PACRG: variants seen among roughly 807,000 people sequenced by gnomAD.
The protein encoded by PACRG is parkin coregulated, also known as parkin coregulated gene protein.
PACRG carries 29 observed loss-of-function variants against 29.7 expected under a neutral mutation model. That is an observed-to-expected ratio of 0.98 (90% CI 0.73 to 1.33). PACRG has a LOEUF of 1.33. PACRG is among the 40% of genes most tolerant of loss of function. The pLI is 0.00. For synonymous variants in PACRG, 116 were observed against 118.7 expected, an observed-to-expected ratio of 0.98 and a Z score of 0.15; for missense variants, 279 against 316.2, an observed-to-expected ratio of 0.88 and a Z score of 0.89.
At chr6:163,212,185 A>G (rs1207369581) in intron 4 of PACRG, among the ~76,000 whole-genome samples, 2 of 152,198 alleles carry the variant, frequency 1.3e-5, no homozygotes, top group African/African-American at 2.4e-5. Context: ...GAATTTGAAA[A>G]TACTCTGGGG....
At chr6:162,913,350 G>C (rs780948721) in intron 2 of PACRG, among the ~76,000 whole-genome samples, 1 of 152,120 alleles carries the variant, frequency 6.6e-6, no homozygotes. Flanking sequence ...GTTACTAAGC[G>C]TATGCCTTTG....
chr6:162,731,213 A>G (rs964965505), intron 1 of PACRG, among the ~76,000 whole-genome samples: 7 of 152,184 alleles, frequency 4.6e-5, no homozygotes. Context: ...GAGTGTTGAC[A>G]TTACACTCAA....
intron 2 of PACRG, among the ~76,000 whole-genome samples, chr6:162,846,560 C>T (rs1038278822): frequency 3.3e-5 from 5 of 152,180 alleles, no homozygotes; most frequent in African/African-American, 1.2e-4. Context: ...AGCTCTGACA[C>T]TTTATATTCA....
rs1387737944 is a variant in PACRG, at chr6:162,866,160, A to G, written c.291+51879A>G. On this transcript the variant is annotated intron_variant, in intron 2 of 4. Transcript: ENST00000366888. ...AACCCAAACTCATTTTTACCAGAGC[A>G]TTCTAATTAATCAAATGGATTAACA... is the stretch of plus-strand genomic sequence containing the variant. 2.0e-5 allele frequency among the ~76,000 whole-genome samples: 3 copies of G among 152,216 alleles called. No homozygotes were observed. The East Asian group carries it at 5.8e-4, about 29-fold the overall frequency.
intron 4 of PACRG, among the ~76,000 whole-genome samples, chr6:163,261,063 C>T (rs1014275421): frequency 1.3e-5 from 2 of 152,014 alleles, no homozygotes; most frequent in Admixed American, 6.6e-5. Flanking sequence ...AAAACAGCCA[C>T]GACATCAATG....
chr6:162,862,369 G>C (rs944824206), intron 2 of PACRG, among the ~76,000 whole-genome samples: 1 of 152,180 alleles, frequency 6.6e-6, no homozygotes, highest in African/African-American at 2.4e-5. Context: ...TATACTCTGT[G>C]GTGGGGGAGA....
rs377352285 is a variant in PACRG, at chr6:162,747,474, CTATA to C, written c.156+19099_156+19102del. 1.8e-4 allele frequency among the ~76,000 whole-genome samples: 8 copies of C among 44,756 alleles called. 2 individuals are homozygous for C. In the East Asian group the frequency reaches 3.2e-3, roughly 18 times the overall value. The allele number at this position is 44,756 out of a possible 152,430, so 29.4% of individuals were successfully genotyped here. On this transcript the variant is annotated intron_variant, in intron 1 of 4. Coordinates refer to ENST00000366888, the MANE Select transcript of PACRG (RefSeq NM_001080379.2). ...TATAACTATAAATATATATGTAAAACTATATATATATATATATATTCCATTAGTT... is the reference window on the plus strand; with the variant it reads ...TATAACTATAAATATATATGTAAAACTATATATATATATATTCCATTAGTT...
At chr6:162,883,101 T>C (rs1392125563) in intron 2 of PACRG, among the ~76,000 whole-genome samples, 1 of 152,240 alleles carries the variant, frequency 6.6e-6, no homozygotes, top group African/African-American at 2.4e-5. Context: ...AAACTAATTT[T>C]TAAATGATTA....
chr6:162,751,307 T>A (rs1258989760), intron 1 of PACRG, among the ~76,000 whole-genome samples: 1 of 152,144 alleles, frequency 6.6e-6, no homozygotes, highest in Non-Finnish European at 1.5e-5. Flanking sequence ...ATCTAAGCAT[T>A]TTAGATTATA....
At chr6:163,096,417 A>G (rs1184214657) in intron 4 of PACRG, among the ~76,000 whole-genome samples, 1 of 152,226 alleles carries the variant, frequency 6.6e-6, no homozygotes, top group Non-Finnish European at 1.5e-5. Flanking sequence ...AAGCAGGGGA[A>G]GATGCTTGGG....
At chr6:162,956,555 G>C (rs1300118081) in intron 2 of PACRG, among the ~76,000 whole-genome samples, 1 of 152,204 alleles carries the variant, frequency 6.6e-6, no homozygotes, top group African/African-American at 2.4e-5. Flanking sequence ...TCTCAGATGA[G>C]AGTGTTGGCA....
intron 3 of PACRG, among the ~76,000 whole-genome samples, chr6:163,072,651 AAAG>A (rs1812176296): frequency 6.6e-6 from 1 of 152,208 alleles, no homozygotes; most frequent in Non-Finnish European, 1.5e-5. Context: ...CCAAATGGGA[AAAG>A]AAGAAGTCAA....
chr6:163,183,448 A>G (rs1287763225), intron 4 of PACRG: 1 of 152,196 alleles, frequency 6.6e-6, no homozygotes, highest in Non-Finnish European at 1.5e-5. Flanking sequence ...GAAGCACAAA[A>G]CAGATGAAGA....
chr6:163,196,950 GATA>G, intron 4 of PACRG, among the ~76,000 whole-genome samples: 1 of 151,762 alleles, frequency 6.6e-6, no homozygotes, highest in Non-Finnish European at 1.5e-5. Flanking sequence ...TAGATAGATA[GATA>G]GATAGATAGA....
chr6:162,767,164 T>C (rs1782863426), intron 1 of PACRG, among the ~76,000 whole-genome samples: 1 of 152,032 alleles, frequency 6.6e-6, no homozygotes, highest in African/African-American at 2.4e-5. Flanking sequence ...ATTGTCCATA[T>C]GTTCTATATT....
At chr6:162,944,575 C>G (rs1161073820) in intron 2 of PACRG, among the ~76,000 whole-genome samples, 2 of 151,944 alleles carry the variant, frequency 1.3e-5, no homozygotes, top group Non-Finnish European at 2.9e-5. Flanking sequence ...ACATATAAAT[C>G]AGAAAAGCAA....
chr6:162,811,975 G>T (rs535449815), intron 1 of PACRG, among the ~76,000 whole-genome samples: 3 of 152,264 alleles, frequency 2.0e-5, no homozygotes, highest in African/African-American at 7.2e-5. Flanking sequence ...ATTCTACAGA[G>T]ATTTATGTGG....
chr6:162,885,738 T>TTGCATGTGTGTGTGTGTGCGTGCACACG, intron 2 of PACRG, among the ~76,000 whole-genome samples: 1 of 152,120 alleles, frequency 6.6e-6, no homozygotes, highest in Non-Finnish European at 1.5e-5. Flanking sequence ...GAGAGTTGAC[T>TTGCATGTGTGTGTGTGTGCGTGCACACG]TGCATGTGTG....
chr6:162,876,111 C>T (rs190736981), intron 2 of PACRG, among the ~76,000 whole-genome samples: 1 of 152,304 alleles, frequency 6.6e-6, no homozygotes, highest in African/African-American at 2.4e-5. Flanking sequence ...CATGTGGGTG[C>T]AGCCATCTGG....
Sources: gnomAD v4.1 joint callset for allele counts (sites outside exome capture counted in the v4.1 genomes callset) on GRCh38, gnomAD v4.1.1 for gene constraint, MANE v1.5 for transcripts, NCBI Gene and HGNC (gene_info 2026-07-23, HGNC 2026-07-21) for gene names.